The following LRRC75B variants were observed in gnomAD, a reference collection of about 807,000 sequenced individuals.
LRRC75B encodes leucine rich repeat containing 75B, also known as leucine-rich repeat-containing protein 75B.
A neutral mutation model predicts 16.5 loss-of-function variants in LRRC75B; 20 were observed. That is an observed-to-expected ratio of 1.21 (90% CI 0.85 to 1.76). The LOEUF is 1.76. Among genes scored for constraint, LRRC75B ranks in the 40% most tolerant of loss-of-function variants. The pLI is 0.00. For synonymous variants in LRRC75B, 199 were observed against 198.1 expected, an observed-to-expected ratio of 1.00 and a Z score of -0.04; for missense variants, 406 against 417.0, an observed-to-expected ratio of 0.97 and a Z score of 0.23.
intron 2 of LRRC75B, 150 bp from the exon 3 acceptor site, chr22:24,588,479 AC>A (rs2147157624): frequency 1.2e-5 from 9 of 754,988 alleles, no homozygotes; most frequent in Admixed American, 2.3e-5. Context: ...TCCCCCTCCT[AC>A]CCCCCAACCC....
At chr22:24,592,388 T>TG (rs2045595484) in intron 1 of LRRC75B, 2 of 470,702 alleles carry the variant, frequency 4.2e-6, no homozygotes, top group African/African-American at 4.0e-5. Flanking sequence ...AGACCAGCCC[T>TG]GGGTCCTCTC....
intron 1 of LRRC75B, 143 bp downstream of exon 1, chr22:24,592,720 C>G (rs1019088304): frequency 7.7e-7 from 1 of 1,298,266 alleles, no homozygotes; most frequent in African/African-American, 1.6e-5. Context: ...CCCTCGGAAC[C>G]CGCCTGCGCG....
At position 24,592,973 on chromosome 22, in the gene LRRC75B, A is replaced by G; in HGVS notation, c.67T>C (p.Cys23Arg). ...CGGCGCTCGTAGGGCGCGGGCCCGC[A>G]GCCGGCCGCCGCCCCGGCCTCAGAG... ...AGSEAGAAAG[C>R]GPAPYERRVR... is the part of the protein sequence containing the mutation. The change falls in exon 1 of 4, where the codon TGC (cysteine) becomes CGC (arginine). Residue 23 changes from cysteine to arginine, a missense_variant. Physicochemically the swap from Cys to Arg is radical, Grantham distance 180. Coordinates refer to ENST00000318753, the MANE Select transcript of LRRC75B (RefSeq NM_207644.3). 8.5e-7 allele frequency: 1 copy of G among 1,174,436 alleles called. No homozygotes were observed. The highest frequency in any genetic ancestry group is 1.1e-6 in the Non-Finnish European group (1 of 950,870). The allele number at this position is 1,174,436 out of a possible 1,614,324, so 72.8% of individuals were successfully genotyped here.
chr22:24,586,439 A>G, intron 3 of LRRC75B, 28 bp from the exon 4 acceptor site: 1 of 1,587,898 alleles, frequency 6.3e-7, no homozygotes, highest in East Asian at 2.2e-5. Context: ...GTGGGGATGG[A>G]CTAGGCAACC....
chr22:24,588,675 T>C (rs773667026), intron 2 of LRRC75B: 262 of 1,109,004 alleles, frequency 2.4e-4, no homozygotes, highest in Non-Finnish European at 2.8e-4. Flanking sequence ...CTTCGGGGAC[T>C]TGCCACAGGG....
intron 3 of LRRC75B, 46 bp from the exon 4 acceptor site, chr22:24,586,457 C>G: frequency 6.4e-7 from 1 of 1,565,658 alleles, no homozygotes; most frequent in Non-Finnish European, 8.7e-7. Flanking sequence ...ACCAGGCAGT[C>G]CCCCCACTGA....
intron 2 of LRRC75B, chr22:24,588,660 G>C: frequency 1.8e-6 from 2 of 1,137,116 alleles, no homozygotes; most frequent in Non-Finnish European, 2.2e-6. Context: ...CCCACCCTCA[G>C]CACCCTTCGG....
Position 24,586,397 on chromosome 22 carries a change from A to G in LRRC75B, c.437T>C (p.Leu146Pro). 3 of 1,612,532 alleles carry G rather than the reference A, an allele frequency of 1.9e-6. No homozygotes were observed. Among genetic ancestry groups the G allele is most frequent in the Non-Finnish European group, 2.5e-6 (3 of 1,179,240 alleles). The change falls in exon 4 of 4, where the codon CTC (leucine) becomes CCC (proline). Residue 146 changes from leucine to proline, a missense_variant. By Grantham distance (98) the Leu-to-Pro change is moderately conservative (BLOSUM62 -3). Coordinates refer to ENST00000318753, the MANE Select transcript of LRRC75B (RefSeq NM_207644.3). ...CTCCCCTGCCAGCAGAGTCTTCTGGAGGCTGCTCTTGAGGCTATGGGAGAG... is the reference window on the plus strand; with the variant it reads ...CTCCCCTGCCAGCAGAGTCTTCTGGGGGCTGCTCTTGAGGCTATGGGAGAG... Reference protein sequence around the residue: ...RKTQSCLKSSLQKTLLAGETV... With the variant: ...RKTQSCLKSSPQKTLLAGETV...
At chr22:24,589,031 C>T (rs1409933390) in intron 2 of LRRC75B, 1 of 1,022,614 alleles carries the variant, frequency 9.8e-7, no homozygotes, top group Admixed American at 5.8e-5. Context: ...CAGCTGCAAG[C>T]CCTGGCTGTT....
intron 2 of LRRC75B, chr22:24,589,202 TG>T (rs2045493276): frequency 9.7e-6 from 12 of 1,234,990 alleles, no homozygotes; most frequent in Middle Eastern, 2.2e-4. Flanking sequence ...CCACACATCC[TG>T]GGGCTGTGTC....
chr22:24,587,987 G>A (rs569310121), intron 3 of LRRC75B, among the ~76,000 whole-genome samples: 30 of 152,320 alleles, frequency 2.0e-4, no homozygotes, highest in African/African-American at 5.3e-4. Flanking sequence ...AGGCAGGACC[G>A]TCCTGTGGGA....
Position 24,588,146 on chromosome 22 carries a change from G to A in LRRC75B, c.422+68C>T, listed in dbSNP as rs1254421186. 5 of 1,212,742 alleles carry A rather than the reference G, an allele frequency of 4.1e-6. No homozygotes were observed. In the African/African-American group the frequency reaches 5.9e-5, roughly 14 times the overall value. The allele number at this position is 1,212,742 out of a possible 1,614,324, so 75.1% of individuals were successfully genotyped here. ...TCAGCACCAGCCTCTTGGTGAGAGT[G>A]CAGGTGTCAACCTGAGAAGGGACCT... On this transcript the variant is annotated intron_variant, in intron 3 of 3. Coordinates refer to ENST00000318753, the MANE Select transcript of LRRC75B (RefSeq NM_207644.3).
At chr22:24,589,661 T>C (rs1464646655) in intron 2 of LRRC75B, 160 bp downstream of exon 2, 7 of 834,368 alleles carry the variant, frequency 8.4e-6, no homozygotes, top group African/African-American at 1.7e-5. Context: ...CAGCCTAATA[T>C]ACTGATGCTG....
chr22:24,592,425 T>C (rs920900334), intron 1 of LRRC75B: 1 of 470,472 alleles, frequency 2.1e-6, no homozygotes, highest in Non-Finnish European at 4.4e-6. Context: ...TCCCGGATCC[T>C]GGAGGAGGGG....
chr22:24,590,505 T>C (rs5760485), intron 1 of LRRC75B, among the ~76,000 whole-genome samples: 61,840 of 151,882 alleles, frequency 0.41, 15,106 homozygotes, highest in African/African-American at 0.69. Context: ...CCAGTTCCCT[T>C]GAGGTAGTGT....
chr22:24,585,774 G>T lies in LRRC75B; in HGVS notation c.*112C>A. On this transcript the variant is annotated 3_prime_UTR_variant, in exon 4 of 4. Coordinates refer to ENST00000318753, the MANE Select transcript of LRRC75B (RefSeq NM_207644.3). ...TTCTGTCCCCTTAATCTCAGGCTGAGCATTTACACTGGATTTCTGGGGGCC... is the reference window on the plus strand; with the variant it reads ...TTCTGTCCCCTTAATCTCAGGCTGATCATTTACACTGGATTTCTGGGGGCC... 2 of 1,119,640 alleles carry T rather than the reference G, an allele frequency of 1.8e-6. No individual in the cohort carries two copies. The highest frequency in any genetic ancestry group is 2.5e-6 in the Non-Finnish European group (2 of 808,544). 69.4% of individuals were successfully genotyped at this position (1,119,640 alleles called of 1,614,324 possible).
intron 1 of LRRC75B, 104 bp downstream of exon 1, chr22:24,592,759 C>G (rs2045609740): frequency 7.8e-7 from 1 of 1,275,618 alleles, no homozygotes; most frequent in African/African-American, 1.6e-5. Flanking sequence ...CCTCGCCTCC[C>G]GGCGGATACA....
intron 2 of LRRC75B, 95 bp downstream of exon 2, chr22:24,589,726 A>C: frequency 7.2e-7 from 1 of 1,394,568 alleles, no homozygotes; most frequent in East Asian, 2.5e-5. Context: ...AGCAAGCCGC[A>C]GAAGGACCTA....
chr22:24,592,686 C>A (rs1344006035), intron 1 of LRRC75B, 177 bp downstream of exon 1: 1 of 1,166,104 alleles, frequency 8.6e-7, no homozygotes, highest in Non-Finnish European at 1.1e-6. Context: ...CCACGCAAGA[C>A]CCCGCGTGCT....
Sources: gnomAD v4.1 joint callset for allele counts (sites outside exome capture counted in the v4.1 genomes callset) on GRCh38, gnomAD v4.1.1 for gene constraint, MANE v1.5 for transcripts, NCBI Gene and HGNC (gene_info 2026-07-23, HGNC 2026-07-21) for gene names.